The following PTPRG variants were observed in gnomAD, a reference collection of about 807,000 sequenced individuals.
The protein encoded by PTPRG is protein tyrosine phosphatase receptor type G.
Under a neutral mutation model 165.3 loss-of-function variants are expected in PTPRG, and 102 were observed. The ratio of observed to expected loss-of-function variants is 0.62; its 90% CI spans 0.53 to 0.73. PTPRG has a LOEUF of 0.73. PTPRG is among the 30% of genes least tolerant of loss of function. PTPRG has a pLI of 0.00. For synonymous variants in PTPRG, 675 were observed against 669.5 expected (o/e 1.01, Z -0.13); for missense variants, 1,866 against 1,861.4 (o/e 1.00, Z -0.05).
At chr3:61,600,188 A>ATGTGTGTGTG (rs1372886923) in intron 1 of PTPRG, among the ~76,000 whole-genome samples, 405 of 133,294 alleles carry the variant, frequency 3.0e-3, no homozygotes, top group African/African-American at 9.6e-3. Flanking sequence ...ATATATATAT[A>ATGTGTGTGTG]TATATGTGTG....
chr3:61,655,023 G>C (rs1231482685), intron 1 of PTPRG, among the ~76,000 whole-genome samples: 2 of 151,818 alleles, frequency 1.3e-5, no homozygotes, highest in Admixed American at 6.6e-5. Flanking sequence ...CTGACCTCAG[G>C]TGATCCACCC....
At chr3:61,867,608 G>T (rs2037446857) in intron 2 of PTPRG, among the ~76,000 whole-genome samples, 1 of 152,084 alleles carries the variant, frequency 6.6e-6, no homozygotes, top group Non-Finnish European at 1.5e-5. Context: ...ATTTTAGTGA[G>T]TGGCAAAAAT....
At chr3:61,780,912 T>C (rs960184125) in intron 2 of PTPRG, among the ~76,000 whole-genome samples, 3 of 152,252 alleles carry the variant, frequency 2.0e-5, no homozygotes, top group Non-Finnish European at 4.4e-5. Flanking sequence ...TATAAGTTAA[T>C]GGGATTTTGC....
At chr3:61,781,523 T>G (rs2034544306) in intron 2 of PTPRG, among the ~76,000 whole-genome samples, 1 of 152,166 alleles carries the variant, frequency 6.6e-6, no homozygotes, top group East Asian at 1.9e-4. Flanking sequence ...CTCCACTGAA[T>G]AAAAATTTGA....
intron 5 of PTPRG, among the ~76,000 whole-genome samples, chr3:62,128,945 T>C (rs1703414711): frequency 6.6e-6 from 1 of 152,046 alleles, no homozygotes; most frequent in South Asian, 2.1e-4. Flanking sequence ...TTCCCCACCC[T>C]GACTTTTGGA....
intron 28 of PTPRG, among the ~76,000 whole-genome samples, chr3:62,291,152 T>G (rs542104122): frequency 6.6e-6 from 1 of 152,234 alleles, no homozygotes; most frequent in East Asian, 1.9e-4. Flanking sequence ...ATCAAGGAAA[T>G]GTAAATTAAA....
At chr3:62,270,204 G>A (rs1284567425) in intron 20 of PTPRG, among the ~76,000 whole-genome samples, 1 of 149,764 alleles carries the variant, frequency 6.7e-6, no homozygotes, top group African/African-American at 2.5e-5. Flanking sequence ...TTTTTTTCTT[G>A]GTGTCTTGGA....
chr3:62,154,465 G>T (rs937629184), intron 6 of PTPRG, among the ~76,000 whole-genome samples: 1 of 152,262 alleles, frequency 6.6e-6, no homozygotes, highest in Admixed American at 6.5e-5. Context: ...GGGGTCACAC[G>T]CACTTTCCAT....
chr3:62,119,391 C>T (rs1702978668), intron 5 of PTPRG, among the ~76,000 whole-genome samples: 1 of 152,204 alleles, frequency 6.6e-6, no homozygotes, highest in South Asian at 2.1e-4. Context: ...TGACTGAGAA[C>T]TTGCCCTGCA....
At chr3:61,997,354 A>G (rs1416315358) in intron 3 of PTPRG, among the ~76,000 whole-genome samples, 1 of 152,082 alleles carries the variant, frequency 6.6e-6, no homozygotes, top group Non-Finnish European at 1.5e-5. Context: ...CAAGCATATC[A>G]AGGACTTCCC....
chr3:62,282,648 T>C, intron 27 of PTPRG, 79 bp from the exon 28 acceptor site: 1 of 1,448,114 alleles, frequency 6.9e-7, no homozygotes, highest in Non-Finnish European at 9.2e-7. Context: ...CATGGCTTTC[T>C]CAGGAGCAAG....
At chr3:62,088,263 G>A (rs1269857817) in intron 5 of PTPRG, among the ~76,000 whole-genome samples, 1 of 152,186 alleles carries the variant, frequency 6.6e-6, no homozygotes, top group African/African-American at 2.4e-5. Context: ...CCAACAGTTA[G>A]CAGCCCAAAA....
chr3:61,742,403 A>T (rs1239619089), intron 1 of PTPRG: 52 of 734,608 alleles, frequency 7.1e-5, no homozygotes, highest in South Asian at 9.7e-5. Flanking sequence ...TGGGTCTGGA[A>T]TTTTTTTTTT....
intron 2 of PTPRG, among the ~76,000 whole-genome samples, chr3:61,776,779 T>G (rs767196416): frequency 1.3e-5 from 2 of 152,146 alleles, no homozygotes; most frequent in Admixed American, 1.3e-4. Context: ...TAACTGTGCT[T>G]CTTCTTGTGT....
Position 61,621,049 on chromosome 3 carries a change from ATATG to A in PTPRG, c.85+58679_85+58682del, listed in dbSNP as rs1171051098. On this transcript the variant is annotated intron_variant, in intron 1 of 29. Transcript: ENST00000474889. ...TGTGTGTGTGTATATATATATATATATATGTGTGTGTGTGTGTGTGTGTGTGTGT... is the reference window on the plus strand; with the variant it reads ...TGTGTGTGTGTATATATATATATATATGTGTGTGTGTGTGTGTGTGTGTGT... Among the ~76,000 whole-genome samples, 545 of 104,276 alleles carry A rather than the reference ATATG, an allele frequency of 5.2e-3. 14 individuals are homozygous for A. Among genetic ancestry groups the A allele is most frequent in the Non-Finnish European group, 4.1e-3 (195 of 47,148 alleles). The allele number at this position is 104,276 out of a possible 152,430, so 68.4% of individuals were successfully genotyped here. A position where few individuals can be genotyped will look rare whatever the true frequency, so the allele number is the denominator to read the frequency against.
chr3:62,163,065 G>A (rs1452323693), intron 7 of PTPRG, among the ~76,000 whole-genome samples: 2 of 152,128 alleles, frequency 1.3e-5, no homozygotes, highest in African/African-American at 4.8e-5. Flanking sequence ...AGAGAAAGGG[G>A]AGGCGCTACA....
intron 2 of PTPRG, among the ~76,000 whole-genome samples, chr3:61,881,965 G>A (rs890695409): frequency 1.3e-5 from 2 of 152,168 alleles, no homozygotes; most frequent in African/African-American, 4.8e-5. Flanking sequence ...AACTAGACCC[G>A]TGTATAGCAG....
rs750697053 is a variant in PTPRG, at chr3:61,746,208, A to ATTTTTTTTTT, written c.86-2651_86-2642dup. Among the ~76,000 whole-genome samples the ATTTTTTTTTT allele has an allele frequency of 1.7e-3, 141 of 81,314 alleles. 2 individuals are homozygous for ATTTTTTTTTT. Among genetic ancestry groups the ATTTTTTTTTT allele is most frequent in the Non-Finnish European group, 2.3e-3 (105 of 44,736 alleles). 53.3% of individuals were successfully genotyped at this position (81,314 alleles called of 152,430 possible). A position where few individuals can be genotyped will look rare whatever the true frequency, so the allele number is the denominator to read the frequency against. ...CAGGCGTGTGCCACCACACACTCTA[A>ATTTTTTTTTT]TTTTTTTTTTTTTTTTTTTTTTTTT... On this transcript the variant is annotated intron_variant, in intron 1 of 29. Coordinates refer to ENST00000474889, the MANE Select transcript of PTPRG (RefSeq NM_002841.4).
At chr3:61,934,028 T>A (rs1335483824) in intron 2 of PTPRG, among the ~76,000 whole-genome samples, 2 of 152,202 alleles carry the variant, frequency 1.3e-5, no homozygotes, top group African/African-American at 2.4e-5. Flanking sequence ...TCTGAATATT[T>A]TATGGGCTTA....
Sources: gnomAD v4.1 joint callset for allele counts (sites outside exome capture counted in the v4.1 genomes callset) on GRCh38, gnomAD v4.1.1 for gene constraint, MANE v1.5 for transcripts, NCBI Gene and HGNC (gene_info 2026-07-23, HGNC 2026-07-21) for gene names.